TMEM54: variants seen among roughly 807,000 people sequenced by gnomAD.
The protein encoded by TMEM54 is beta-casein-like protein.
A neutral mutation model predicts 21.3 loss-of-function variants in TMEM54; 21 were observed. The observed-to-expected ratio is 0.99, with a 90% confidence interval of 0.70 to 1.42. TMEM54 has a LOEUF of 1.42. TMEM54 is among the 40% of genes most tolerant of loss of function. TMEM54 has a pLI of 0.00. For missense variants in TMEM54, 246 were observed against 294.0 expected, an observed-to-expected ratio of 0.84 and a Z score of 1.19; for synonymous variants, 109 against 125.0, an observed-to-expected ratio of 0.87 and a Z score of 0.86.
rs946645209 is a variant in TMEM54, at chr1:32,896,652, C to A, written c.211-683G>T. On this transcript the variant is annotated intron_variant, in intron 2 of 5. Transcript: ENST00000373463. The surrounding 1 kb of genome is among the most constrained non-coding windows in gnomAD (Gnocchi z 4.1). ...GATCCCAAGGGGTGGGGCTACCCCACAGTTCAGCCCAACAGCTGCCCTCTG... is the reference window on the plus strand; with the variant it reads ...GATCCCAAGGGGTGGGGCTACCCCAAAGTTCAGCCCAACAGCTGCCCTCTG... Among the ~76,000 whole-genome samples, 4 of 152,290 alleles carry A rather than the reference C, an allele frequency of 2.6e-5. No homozygotes were observed. The highest frequency in any genetic ancestry group is 9.6e-5 in the African/African-American group (4 of 41,484).
chr1:32,898,437 T>G (rs1641651175), intron 1 of TMEM54, 118 bp from the exon 2 acceptor site: 1 of 980,496 alleles, frequency 1.0e-6, no homozygotes, highest in African/African-American at 1.6e-5. Flanking sequence ...TCTGAATGAC[T>G]TGGAGCCAGT....
Position 32,895,903 on chromosome 1 carries a change from C to A in TMEM54, c.270+7G>T. On this transcript the variant is annotated splice_region_variant and intron_variant, in intron 3 of 5. Coordinates refer to ENST00000373463, the MANE Select transcript of TMEM54 (RefSeq NM_033504.4). The surrounding 1 kb of genome is among the most constrained non-coding windows in gnomAD (Gnocchi z 5.8). Reference sequence around the variant, plus strand: ...CTCACAGCCCCATCCCAGGAGGCACCACGTACCAGGGGGGTGCTAGGGAGG... The same window carrying A: ...CTCACAGCCCCATCCCAGGAGGCACAACGTACCAGGGGGGTGCTAGGGAGG... 6.2e-7 allele frequency: 1 copy of A among 1,611,836 alleles called. No individual in the cohort carries two copies. The highest frequency in any genetic ancestry group is 8.5e-7 in the Non-Finnish European group (1 of 1,178,980).
intron 1 of TMEM54, among the ~76,000 whole-genome samples, chr1:32,900,614 G>T (rs1282140030): frequency 6.6e-6 from 1 of 152,204 alleles, no homozygotes; most frequent in Non-Finnish European, 1.5e-5. Flanking sequence ...GTAGTCCTAG[G>T]AGGTGGGAAC....
Position 32,898,265 on chromosome 1 carries a change from A to T in TMEM54, c.71T>A (p.Leu24Gln). The change falls in exon 2 of 6, where the codon CTG becomes CAG. Residue 24 changes from leucine (L) to glutamine (Q), a missense_variant. By Grantham distance (113) the Leu-to-Gln change is moderately radical. Coordinates refer to ENST00000373463, the MANE Select transcript of TMEM54 (RefSeq NM_033504.4). Reference sequence around the variant, plus strand: ...GAAGCTCACATGGCCCAGCACCACCAGCACCAGGCCTGTCTTCATCAGCAC... The same window carrying T: ...GAAGCTCACATGGCCCAGCACCACCTGCACCAGGCCTGTCTTCATCAGCAC... ...RKVLMKTGLV[L>Q]VVLGHVSFIT... 3 of 1,613,164 alleles carry T rather than the reference A, an allele frequency of 1.9e-6. No homozygotes were observed. The highest frequency in any genetic ancestry group is 2.5e-6 in the Non-Finnish European group (3 of 1,179,196).
Position 32,901,152 on chromosome 1 carries a change from G to T in TMEM54, c.16+71C>A. The T allele has an allele frequency of 1.5e-6, 2 of 1,367,284 alleles. No individual in the cohort carries two copies. The highest frequency in any genetic ancestry group is 9.6e-7 in the Non-Finnish European group (1 of 1,044,826). The allele number at this position is 1,367,284 out of a possible 1,614,324, so 84.7% of individuals were successfully genotyped here. ...CTGGCCCCCTGGGGGCTCGGGTTCCGGGCTCAGTGCTCCGCTCCTGTGGGA... is the reference window on the plus strand; with the variant it reads ...CTGGCCCCCTGGGGGCTCGGGTTCCTGGCTCAGTGCTCCGCTCCTGTGGGA... On this transcript the variant is annotated intron_variant, in intron 1 of 5. Transcript: ENST00000373463. The surrounding 1 kb of genome is among the most constrained non-coding windows in gnomAD (Gnocchi z 4.2).
chr1:32,899,049 G>A (rs1268584896), intron 1 of TMEM54, among the ~76,000 whole-genome samples: 2 of 152,164 alleles, frequency 1.3e-5, no homozygotes, highest in Admixed American at 6.5e-5. Context: ...AGTGAGTGGG[G>A]GAAGCTGGGA....
At position 32,898,164 on chromosome 1, in the gene TMEM54, A is replaced by G. The variant is rs1641642427; in HGVS notation, c.172T>C (p.Cys58Arg). ...GTGACAGAGAGGATGTTGACCACGC[A>G]GTACTGCAGAGCCACCGCATCTTGA... ...TPQDAVALQY[C>R]VVNILSVTSA... is the part of the protein sequence containing the mutation. The change falls in exon 2 of 6, where the codon TGC (cysteine) becomes CGC (arginine). Residue 58 changes from cysteine (C) to arginine (R), a missense_variant. Coordinates refer to ENST00000373463, the MANE Select transcript of TMEM54 (RefSeq NM_033504.4). The G allele has an allele frequency of 2.5e-6, 4 of 1,608,348 alleles. No homozygotes were observed. The African/African-American group carries it at 4.0e-5, about 16-fold the overall frequency.
chr1:32,898,365 C>A lies in TMEM54; in HGVS notation c.17-46G>T, dbSNP rs375189852. On this transcript the variant is annotated intron_variant, in intron 1 of 5. Transcript: ENST00000373463. ...AGGGCTGTGCGTGGGGCTTATCCTGCTGGGCAGAAGGGGAAGCTGAGGCCC... is the reference window on the plus strand; with the variant it reads ...AGGGCTGTGCGTGGGGCTTATCCTGATGGGCAGAAGGGGAAGCTGAGGCCC... 32 of 1,538,338 alleles carry A rather than the reference C, an allele frequency of 2.1e-5. No homozygotes were observed. The Admixed American group carries it at 4.2e-4, about 20-fold the overall frequency.
At position 32,895,729 on chromosome 1, in the gene TMEM54, A is replaced by G. The variant is rs1318095936; in HGVS notation, c.285T>C (p.Phe95=). 7.7e-6 allele frequency: 12 copies of G among 1,558,052 alleles called. No homozygotes were observed. The change falls in exon 4 of 6, where the codon TTT becomes TTC. Residue 95 remains phenylalanine, a synonymous_variant. Coordinates refer to ENST00000373463, the MANE Select transcript of TMEM54 (RefSeq NM_033504.4). The surrounding 1 kb of genome is among the most constrained non-coding windows in gnomAD (Gnocchi z 5.8). ...LPSTPLRWTV[F]SSSVACALLS... ...GGAGAGCACAGGCCACGCTCGAGCT[A>G]AACACTGTCCAGCGCTGGACGGGGG... is the stretch of plus-strand genomic sequence containing the variant.
Position 32,897,142 on chromosome 1 carries a change from C to T in TMEM54, c.210+984G>A, listed in dbSNP as rs1641620253. 6.6e-6 allele frequency among the ~76,000 whole-genome samples: 1 copy of T among 152,216 alleles called. No homozygotes were observed. The highest frequency in any genetic ancestry group is 1.5e-5 in the Non-Finnish European group (1 of 68,040). On this transcript the variant is annotated intron_variant, in intron 2 of 5. Coordinates refer to ENST00000373463, the MANE Select transcript of TMEM54 (RefSeq NM_033504.4). This position sits in a 1 kb window ranked among gnomAD's most constrained non-coding sequence, Gnocchi z 4.9. The stretch of plus-strand genomic sequence containing the variant: ...CTTCCTCACAACAGTATTAGAGGAA[C>T]TCCAAGGACCCTGCACACATCCGCC...
intron 1 of TMEM54, among the ~76,000 whole-genome samples, chr1:32,900,054 G>A (rs769842322): frequency 5.9e-5 from 9 of 152,094 alleles, no homozygotes; most frequent in Non-Finnish European, 1.2e-4. Flanking sequence ...CAGCTTCAGC[G>A]CAGGAGCCTG....
chr1:32,898,256 A>G lies in TMEM54; in HGVS notation c.80T>C (p.Leu27Pro). The change falls in exon 2 of 6, where the codon CTG becomes CCG. Residue 27 changes from leucine (L) to proline (P), a missense_variant. Physicochemically the swap from Leu to Pro is moderately conservative, Grantham distance 98. Coordinates refer to ENST00000373463, the MANE Select transcript of TMEM54 (RefSeq NM_033504.4). ...AGCTGTGATGAAGCTCACATGGCCCAGCACCACCAGCACCAGGCCTGTCTT... is the reference window on the plus strand; with the variant it reads ...AGCTGTGATGAAGCTCACATGGCCCGGCACCACCAGCACCAGGCCTGTCTT... Reference protein sequence around the residue: ...LMKTGLVLVVLGHVSFITAAL... With the variant: ...LMKTGLVLVVPGHVSFITAAL... 6.2e-7 allele frequency: 1 copy of G among 1,613,200 alleles called. No homozygotes were observed.
Position 32,895,910 on chromosome 1 carries a change from C to T in TMEM54, c.270G>A (p.Leu90=), listed in dbSNP as rs770737896. 1.2e-6 allele frequency: 2 copies of T among 1,612,708 alleles called. No homozygotes were observed. The highest frequency in any genetic ancestry group is 1.1e-5 in the South Asian group (1 of 90,820). ...CCCCATCCCAGGAGGCACCACGTAC[C>T]AGGGGGGTGCTAGGGAGGTAGCGTG... The part of the protein sequence containing the change: ...VLSRYLPSTP[L]RWTVFSSSVA... The change falls in exon 3 of 6, where the codon CTG becomes CTA. Residue 90 remains leucine, a splice_region_variant and synonymous_variant. Transcript: ENST00000373463. This position sits in a 1 kb window ranked among gnomAD's most constrained non-coding sequence, Gnocchi z 5.8.
Position 32,894,851 on chromosome 1 carries a change from C to G in TMEM54, c.623G>C (p.Gly208Ala). Residue 208 changes from glycine to alanine, a missense_variant, in exon 6 of 6, where the codon GGC (glycine) becomes GCC (alanine). Gly to Ala is a moderately conservative substitution (Grantham distance 60). Coordinates refer to ENST00000373463, the MANE Select transcript of TMEM54 (RefSeq NM_033504.4). Reference sequence around the variant, plus strand: ...GCTGGTGCAGCTCAGCAGGTCACGGCCCTCCACCAGCTCTGGGTTCTCCCG... The same window carrying G: ...GCTGGTGCAGCTCAGCAGGTCACGGGCCTCCACCAGCTCTGGGTTCTCCCG... ...MMRENPELVE[G>A]RDLLSCTSSE... 6.2e-7 allele frequency: 1 copy of G among 1,612,142 alleles called. No individual in the cohort carries two copies. The highest frequency in any genetic ancestry group is 8.5e-7 in the Non-Finnish European group (1 of 1,178,394).
In TMEM54 at chr1:32,896,258, T is replaced by G. The variant is rs1641598393; in HGVS notation, c.211-289A>C. 3.1e-6 allele frequency: 1 copy of G among 327,488 alleles called. No individual in the cohort carries two copies. The allele number at this position is 327,488 out of a possible 1,614,324, so 20.3% of individuals were successfully genotyped here. On this transcript the variant is annotated intron_variant, in intron 2 of 5. Transcript: ENST00000373463. The surrounding 1 kb of genome is among the most constrained non-coding windows in gnomAD (Gnocchi z 4.1). ...CATGTATCCTGGGGCCACCGGGGCA[T>G]GCCAGGGTATGCATGGGACACCCCT...
chr1:32,898,387 G>A (rs371437287), intron 1 of TMEM54, 68 bp from the exon 2 acceptor site: 17 of 1,455,258 alleles, frequency 1.2e-5, no homozygotes, highest in East Asian at 6.9e-5. Flanking sequence ...GGAAGCTGAG[G>A]CCCTGGCCCT....
chr1:32,899,902 T>A (rs1008930620), intron 1 of TMEM54, among the ~76,000 whole-genome samples: 1 of 152,186 alleles, frequency 6.6e-6, no homozygotes, highest in Non-Finnish European at 1.5e-5. Context: ...AGCCAGTGTC[T>A]GAGACCCCTG....
chr1:32,898,997 G>A (rs1641663849), intron 1 of TMEM54, among the ~76,000 whole-genome samples: 1 of 152,170 alleles, frequency 6.6e-6, no homozygotes, highest in Non-Finnish European at 1.5e-5. Context: ...GAGGGTACTG[G>A]GAAAAGCAAG....
Position 32,895,814 on chromosome 1 carries a change from G to A in TMEM54, c.271-71C>T, listed in dbSNP as rs1226375420. ...CATGGGCAGCTCTGGCCTCCCTGAG[G>A]GTCAGCCTTACCCTCTCCAAGGAGG... On this transcript the variant is annotated intron_variant, in intron 3 of 5. Coordinates refer to ENST00000373463, the MANE Select transcript of TMEM54 (RefSeq NM_033504.4). This position sits in a 1 kb window ranked among gnomAD's most constrained non-coding sequence, Gnocchi z 5.8. The A allele has an allele frequency of 1.3e-6, 2 of 1,552,856 alleles. No homozygotes were observed. The highest frequency in any genetic ancestry group is 1.7e-6 in the Non-Finnish European group (2 of 1,148,538).
Sources: allele counts gnomAD v4.1 joint callset (sites outside exome capture counted in the v4.1 genomes callset), GRCh38; gene constraint gnomAD v4.1.1; non-coding constraint Gnocchi (gnomAD v3.1); transcripts MANE v1.5; gene names NCBI Gene and HGNC (gene_info 2026-07-23, HGNC 2026-07-21).